Variants in RAI14 observed in about 807,000 individuals in gnomAD.
RAI14 encodes the protein retinoic acid induced 14, also known as ankycorbin.
A neutral mutation model predicts 115.4 loss-of-function variants in RAI14; 45 were observed. That is an observed-to-expected ratio of 0.39 (90% CI 0.31 to 0.50). The LOEUF (loss-of-function observed/expected upper bound fraction) is 0.50, where lower values mean the gene tolerates loss of function less well. RAI14 is among the 20% of genes least tolerant of loss of function. RAI14 has a pLI of 0.85. For synonymous variants in RAI14, 371 were observed against 415.4 expected (o/e 0.89, Z 1.30); for missense variants, 939 against 1,131.2 (o/e 0.83, Z 2.44).
At chr5:34,787,204 A>C (rs1561362817) in intron 3 of RAI14, among the ~76,000 whole-genome samples, 1 of 152,176 alleles carries the variant, frequency 6.6e-6, no homozygotes, top group East Asian at 1.9e-4. Context: ...TTATGGCCAG[A>C]TTTGGGGGCC....
intron 4 of RAI14, among the ~76,000 whole-genome samples, chr5:34,797,962 T>C (rs1323501485): frequency 6.6e-6 from 1 of 152,242 alleles, no homozygotes; most frequent in African/African-American, 2.4e-5. Flanking sequence ...CTGTAGTTAT[T>C]TTCAGCATAA....
chr5:34,742,341 G>A (rs1745614831), intron 2 of RAI14, among the ~76,000 whole-genome samples: 1 of 152,142 alleles, frequency 6.6e-6, no homozygotes, highest in Non-Finnish European at 1.5e-5. Context: ...ATAAATACAG[G>A]CGTGGTTAAT....
chr5:34,702,452 C>G (rs1412930285), intron 2 of RAI14, among the ~76,000 whole-genome samples: 1 of 152,138 alleles, frequency 6.6e-6, no homozygotes, highest in Non-Finnish European at 1.5e-5. Flanking sequence ...TCACGCCAGC[C>G]TGGGCGATCA....
chr5:34,790,887 T>C (rs1245169916), intron 3 of RAI14, among the ~76,000 whole-genome samples: 1 of 151,892 alleles, frequency 6.6e-6, no homozygotes, highest in African/African-American at 2.4e-5. Context: ...TATTGAGAAT[T>C]TCCCCATTGT....
At chr5:34,742,583 TA>T (rs1745648495) in intron 2 of RAI14, among the ~76,000 whole-genome samples, 1 of 152,210 alleles carries the variant, frequency 6.6e-6, no homozygotes, top group African/African-American at 2.4e-5. Context: ...GAGGTAGATT[TA>T]AAAACATTTG....
intron 5 of RAI14, among the ~76,000 whole-genome samples, chr5:34,804,817 T>G (rs1754671857): frequency 6.6e-6 from 1 of 152,206 alleles, no homozygotes; most frequent in South Asian, 2.1e-4. Context: ...ACACTCTGGA[T>G]AAGTGAAAAT....
chr5:34,806,403 C>T (rs1561061245), intron 5 of RAI14, among the ~76,000 whole-genome samples: 1 of 152,190 alleles, frequency 6.6e-6, no homozygotes, highest in Non-Finnish European at 1.5e-5. Context: ...AAAGAGAATT[C>T]TGTTTCTTTA....
At chr5:34,675,266 T>TAC (rs753794640) in intron 1 of RAI14, among the ~76,000 whole-genome samples, 5 of 152,252 alleles carry the variant, frequency 3.3e-5, no homozygotes, top group Non-Finnish European at 7.3e-5. Context: ...AATTTTAGTA[T>TAC]ACAATTCAAC....
At chr5:34,668,607 T>A (rs1049395873) in intron 1 of RAI14, among the ~76,000 whole-genome samples, 6 of 152,094 alleles carry the variant, frequency 3.9e-5, no homozygotes. Flanking sequence ...AATAAAAAAA[T>A]TTCTTAGATT....
rs555474452 is a variant in RAI14, at chr5:34,831,717, G to A, written c.*952G>A. ...ATACTTTTTAGGTAGCCATGCTTGA[G>A]ACTTTTTAAAAATATAACTTTTTCC... On this transcript the variant is annotated 3_prime_UTR_variant, in exon 18 of 18. Transcript: ENST00000265109. The A allele has an allele frequency of 2.0e-5, 3 of 152,266 alleles. No individual in the cohort carries two copies. The highest frequency in any genetic ancestry group is 2.9e-5 in the Non-Finnish European group (2 of 68,014). The allele number at this position is 152,266 out of a possible 1,614,324, so 9.4% of individuals were successfully genotyped here. A position where few individuals can be genotyped will look rare whatever the true frequency, so the allele number is the denominator to read the frequency against.
At chr5:34,691,256 G>T (rs144561475) in intron 2 of RAI14, among the ~76,000 whole-genome samples, 157 of 152,308 alleles carry the variant, frequency 1.0e-3, no homozygotes, top group African/African-American at 3.1e-3. Flanking sequence ...AATATTAATA[G>T]TTCAGGAGCC....
At chr5:34,822,250 GTATATATA>G (rs376790121) in intron 14 of RAI14, among the ~76,000 whole-genome samples, 5 of 134,740 alleles carry the variant, frequency 3.7e-5, no homozygotes, top group African/African-American at 8.4e-5. Context: ...ATGTGTGTAT[GTATATATA>G]TATATATATA....
At chr5:34,753,382 G>A (rs888636982) in intron 2 of RAI14, among the ~76,000 whole-genome samples, 1 of 152,172 alleles carries the variant, frequency 6.6e-6, no homozygotes, top group Non-Finnish European at 1.5e-5. Context: ...GGTGGGGGTA[G>A]GGGAGAGGAT....
At chr5:34,718,759 C>A (rs1742296891) in intron 2 of RAI14, among the ~76,000 whole-genome samples, 1 of 152,168 alleles carries the variant, frequency 6.6e-6, no homozygotes, top group Admixed American at 6.5e-5. Flanking sequence ...GCTTCCTCGT[C>A]TTTAAAATGG....
chr5:34,737,244 A>G (rs1744981623), intron 2 of RAI14, among the ~76,000 whole-genome samples: 1 of 115,086 alleles, frequency 8.7e-6, no homozygotes, highest in Admixed American at 8.3e-5. Flanking sequence ...GTAAGCACAC[A>G]GATACTCCTA....
rs537078157 is a variant in RAI14, at chr5:34,732,750, T to C, written c.37-24718T>C. On this transcript the variant is annotated intron_variant, in intron 2 of 17. Coordinates refer to ENST00000265109, the MANE Select transcript of RAI14 (RefSeq NM_015577.3). The stretch of plus-strand genomic sequence containing the variant: ...ACCTGCTTGATATTTAAAAGTCATA[T>C]ATATGTATACATATATATATTATAT... 2.7e-5 allele frequency among the ~76,000 whole-genome samples: 4 copies of C among 147,840 alleles called. No homozygotes were observed. In the South Asian group the frequency reaches 8.5e-4, roughly 31 times the overall value.
intron 3 of RAI14, among the ~76,000 whole-genome samples, chr5:34,768,881 C>G (rs1380814922): frequency 6.6e-6 from 1 of 150,706 alleles, no homozygotes; most frequent in Non-Finnish European, 1.5e-5. Flanking sequence ...CCCAGCTACT[C>G]GAGAGGCTGA....
chr5:34,741,027 C>T (rs760522396), intron 2 of RAI14, among the ~76,000 whole-genome samples: 1 of 152,148 alleles, frequency 6.6e-6, no homozygotes, highest in African/African-American at 2.4e-5. Context: ...ATTTAAGTCA[C>T]TCTGTTTACT....
intron 2 of RAI14, among the ~76,000 whole-genome samples, chr5:34,710,975 A>G (rs371881641): frequency 1.1e-4 from 16 of 152,264 alleles, no homozygotes; most frequent in African/African-American, 3.6e-4. Flanking sequence ...ACTACGTTTG[A>G]CTGACTAGGT....
Sources: gnomAD v4.1 joint callset for allele counts (sites outside exome capture counted in the v4.1 genomes callset) on GRCh38, gnomAD v4.1.1 for gene constraint, MANE v1.5 for transcripts, NCBI Gene and HGNC (gene_info 2026-07-23, HGNC 2026-07-21) for gene names.